XPNPEP1: variants seen among roughly 807,000 people sequenced by gnomAD.
XPNPEP1 encodes the protein xaa-Pro aminopeptidase 1.
XPNPEP1 carries 39 observed loss-of-function variants against 92.4 expected under a neutral mutation model. The observed-to-expected ratio is 0.42, with a 90% CI of 0.33 to 0.55. XPNPEP1 has a LOEUF of 0.55. Among genes scored for constraint, XPNPEP1 ranks in the 20% least tolerant of loss-of-function variants. The pLI is 0.08. For missense variants in XPNPEP1, 654 were observed against 856.1 expected, an observed-to-expected ratio of 0.76 and a Z score of 2.95; for synonymous variants, 307 against 299.4, an observed-to-expected ratio of 1.03 and a Z score of -0.26.
chr10:109,880,842 G>A lies in XPNPEP1; in HGVS notation c.1131C>T (p.His377=), dbSNP rs548425903. 39 of 1,613,686 alleles carry A rather than the reference G, an allele frequency of 2.4e-5. No homozygotes were observed. Among genetic ancestry groups the A allele is most frequent in the South Asian group, 1.3e-4 (12 of 90,970 alleles). Residue 377 remains histidine (H), a splice_region_variant and synonymous_variant, in exon 11 of 21, where the codon CAC becomes CAT. Transcript: ENST00000502935. The part of the protein sequence containing the change: ...SAESEGMRRA[H]IKDAVALCEL... ...CTTCTGCACCAGCTCCTCTACTCAC[G>A]TGAGCCCGCCTCATGCCTTCTGACT...
intron 3 of XPNPEP1, among the ~76,000 whole-genome samples, chr10:109,899,529 G>C (rs538678982): frequency 6.6e-6 from 1 of 152,234 alleles, no homozygotes; most frequent in Non-Finnish European, 1.5e-5. Flanking sequence ...GAAACTTCGA[G>C]ATGTGTTACC....
chr10:109,875,310 T>TG (rs1411424025), intron 15 of XPNPEP1, among the ~76,000 whole-genome samples: 1 of 152,236 alleles, frequency 6.6e-6, no homozygotes, highest in Non-Finnish European at 1.5e-5. Context: ...AGCCAAGGAC[T>TG]GTAACATTTC....
In XPNPEP1 at chr10:109,872,171, G is replaced by A. The variant is rs544269726; in HGVS notation, c.1453-310C>T. 1.5e-4 allele frequency among the ~76,000 whole-genome samples: 23 copies of A among 152,288 alleles called. No individual in the cohort carries two copies. In the South Asian group the frequency reaches 4.8e-3, roughly 32 times the overall value. ...TGGAAAAGTAATAAAAAGTACTGAT[G>A]ACCCTAGCTAACATTACTGAGCTAT... On this transcript the variant is annotated intron_variant, in intron 16 of 20. Coordinates refer to ENST00000502935, the MANE Select transcript of XPNPEP1 (RefSeq NM_020383.4).
intron 1 of XPNPEP1, among the ~76,000 whole-genome samples, chr10:109,918,895 G>T (rs1164263576): frequency 1.2e-5 from 1 of 86,750 alleles, no homozygotes; most frequent in East Asian, 2.8e-4. Context: ...AAGGAAGGAA[G>T]GAAGGAAGGA....
chr10:109,868,795 T>A lies in XPNPEP1; in HGVS notation c.1774-83A>T, dbSNP rs1847286169. 10 of 1,313,308 alleles carry A rather than the reference T, an allele frequency of 7.6e-6. No individual in the cohort carries two copies. In the South Asian group the frequency reaches 9.8e-5, roughly 13 times the overall value. 81.4% of individuals were successfully genotyped at this position (1,313,308 alleles called of 1,614,324 possible). A position where few individuals can be genotyped will look rare whatever the true frequency, so the allele number is the denominator to read the frequency against. ...ATGAGGTCATTCCACCAGCATGCCA[T>A]CCCTCAGAGCCAGGGGTAACTGGGA... On this transcript the variant is annotated intron_variant, in intron 19 of 20. Coordinates refer to ENST00000502935, the MANE Select transcript of XPNPEP1 (RefSeq NM_020383.4).
intron 3 of XPNPEP1, among the ~76,000 whole-genome samples, chr10:109,897,671 T>A (rs956411233): frequency 5.3e-5 from 8 of 151,550 alleles, no homozygotes; most frequent in African/African-American, 1.9e-4. Context: ...TTTTTTTTTT[T>A]AAGATGGGGT....
At chr10:109,905,531 G>A (rs1732390392) in intron 3 of XPNPEP1, among the ~76,000 whole-genome samples, 1 of 152,082 alleles carries the variant, frequency 6.6e-6, no homozygotes, top group Non-Finnish European at 1.5e-5. Flanking sequence ...GAGAGAGAAA[G>A]TAGAATGGTG....
intron 3 of XPNPEP1, among the ~76,000 whole-genome samples, chr10:109,903,247 T>C (rs1849380610): frequency 6.6e-6 from 1 of 152,126 alleles, no homozygotes; most frequent in South Asian, 2.1e-4. Flanking sequence ...TTAATTCAAG[T>C]AACATTAGCA....
chr10:109,890,550 T>TTGTG (rs768880431), intron 5 of XPNPEP1, among the ~76,000 whole-genome samples: 1,742 of 102,574 alleles, frequency 0.017, 8 homozygotes, highest in Middle Eastern at 0.043. Flanking sequence ...ATGCCTGCCT[T>TTGTG]TGTGTGTGTG....
intron 15 of XPNPEP1, among the ~76,000 whole-genome samples, chr10:109,873,811 T>A (rs976922097): frequency 2.6e-5 from 4 of 152,068 alleles, no homozygotes; most frequent in Admixed American, 6.5e-5. Context: ...TAAAAAGAAA[T>A]GGAATACTGA....
chr10:109,917,765 C>A lies in XPNPEP1; in HGVS notation c.33-2666G>T, dbSNP rs1181977458. 2.0e-5 allele frequency among the ~76,000 whole-genome samples: 3 copies of A among 152,152 alleles called. No individual in the cohort carries two copies. The East Asian group carries it at 5.8e-4, about 29-fold the overall frequency. On this transcript the variant is annotated intron_variant, in intron 1 of 20. Transcript: ENST00000502935. The stretch of plus-strand genomic sequence containing the variant: ...AGTGTGGTGCTAGCATAAGAATGGA[C>A]TTACAAATGAGTAAAACAGAATTAA...
At position 109,873,418 on chromosome 10, in the gene XPNPEP1, G is replaced by A. The variant is rs771929639; in HGVS notation, c.1401C>T (p.Thr467=). The change falls in exon 16 of 21, where the codon ACC becomes ACT. Residue 467 remains threonine, a synonymous_variant. Transcript: ENST00000502935. ...IDSGAQYKDG[T]TDVTRTMHFG... Reference sequence around the variant, plus strand: ...AATGCATTGTCCGCGTCACATCTGTGGTGCCATCCCTTTCCAAAAAAAGGA... The same window carrying A: ...AATGCATTGTCCGCGTCACATCTGTAGTGCCATCCCTTTCCAAAAAAAGGA... 12 of 1,613,966 alleles carry A rather than the reference G, an allele frequency of 7.4e-6. No individual in the cohort carries two copies. The highest frequency in any genetic ancestry group is 1.3e-5 in the African/African-American group (1 of 74,866).
intron 8 of XPNPEP1, among the ~76,000 whole-genome samples, chr10:109,885,566 C>T (rs1364713697): frequency 6.6e-6 from 1 of 152,176 alleles, no homozygotes; most frequent in East Asian, 1.9e-4. Flanking sequence ...ATGGAAGATG[C>T]AGGGACTGAA....
At chr10:109,920,867 TATTC>T (rs1850500067) in intron 1 of XPNPEP1, among the ~76,000 whole-genome samples, 1 of 152,180 alleles carries the variant, frequency 6.6e-6, no homozygotes, top group Non-Finnish European at 1.5e-5. Context: ...AAGGTAATCC[TATTC>T]ATTCATTTTA....
chr10:109,919,512 C>A (rs111774409), intron 1 of XPNPEP1, among the ~76,000 whole-genome samples: 1 of 152,130 alleles, frequency 6.6e-6, no homozygotes, highest in Non-Finnish European at 1.5e-5. Context: ...AAAATTAGAA[C>A]CCTCAAACAT....
At chr10:109,894,877 G>A (rs144714831) in intron 3 of XPNPEP1, among the ~76,000 whole-genome samples, 32 of 152,338 alleles carry the variant, frequency 2.1e-4, no homozygotes, top group African/African-American at 6.0e-4. Flanking sequence ...CACCAGCATC[G>A]TTTAGGAACT....
In XPNPEP1 at chr10:109,871,811, A is replaced by G. The variant is rs763148448; in HGVS notation, c.1503T>C (p.Val501=). ...LKGHIAVSAA[V]FPTGTKGHLL... ...ACCTACCTTTGGTTCCAGTCGGGAA[A>G]ACGGCTGCACTCACAGCTATGTGGC... The change falls in exon 17 of 21, where the codon GTT becomes GTC. Residue 501 remains valine, a synonymous_variant. Coordinates refer to ENST00000502935, the MANE Select transcript of XPNPEP1 (RefSeq NM_020383.4). The G allele has an allele frequency of 5.6e-6, 9 of 1,614,056 alleles. No individual in the cohort carries two copies. The highest frequency in any genetic ancestry group is 6.8e-6 in the Non-Finnish European group (8 of 1,180,034).
At chr10:109,868,574 C>T in intron 20 of XPNPEP1, 40 bp downstream of exon 20, 1 of 1,502,740 alleles carries the variant, frequency 6.7e-7, no homozygotes, top group South Asian at 1.1e-5. Flanking sequence ...GTCTCCACCT[C>T]CCCTAGTAAC....
chr10:109,877,901 A>C, intron 13 of XPNPEP1, 34 bp from the exon 14 acceptor site: 1 of 1,614,196 alleles, frequency 6.2e-7, no homozygotes, highest in East Asian at 2.2e-5. Flanking sequence ...GAGTGGCTTA[A>C]AGGTTTTTAC....
Sources: gnomAD v4.1 joint callset for allele counts (sites outside exome capture counted in the v4.1 genomes callset) on GRCh38, gnomAD v4.1.1 for gene constraint, MANE v1.5 for transcripts, NCBI Gene and HGNC (gene_info 2026-07-23, HGNC 2026-07-21) for gene names.